The following KHSRP variants were observed in gnomAD, a reference collection of about 807,000 sequenced individuals.
The protein encoded by KHSRP is far upstream element-binding protein 2.
In KHSRP, 13 loss-of-function variants were observed where a neutral mutation model predicts 94.9. The observed-to-expected ratio is 0.14, with a 90% CI of 0.09 to 0.22. The LOEUF (loss-of-function observed/expected upper bound fraction) is 0.22, where lower values mean the gene tolerates loss of function less well. Among genes scored for constraint, KHSRP ranks in the 10% least tolerant of loss-of-function variants. The pLI is 1.00. For missense variants in KHSRP, 710 were observed against 1,010.0 expected (o/e 0.70, Z 4.03); for synonymous variants, 495 against 401.4 (o/e 1.23, Z -2.79).
intron 10 of KHSRP, 23 bp downstream of exon 10, chr19:6,417,958 G>C: frequency 6.2e-7 from 1 of 1,610,642 alleles, no homozygotes; most frequent in East Asian, 2.2e-5. Flanking sequence ...GGAGAGGGGG[G>C]TGAAGGCAGG....
rs750070610 is a variant in KHSRP at position 6,417,722 on chromosome 19, G to T, written c.1081+17C>A. On this transcript the variant is annotated intron_variant, in intron 11 of 18. Coordinates refer to ENST00000600480, the MANE Select transcript of KHSRP (RefSeq NM_001366299.1). ...TGGGGGTGCACTGGCCAGGGGCAGG[G>T]TGGGCCAGGCCCTGACCTTGCTTGA... 3 of 1,606,362 alleles carry T rather than the reference G, an allele frequency of 1.9e-6. No homozygotes were observed. The highest frequency in any genetic ancestry group is 1.7e-5 in the Admixed American group (1 of 59,926).
intron 6 of KHSRP, among the ~76,000 whole-genome samples, chr19:6,419,671 AT>A (rs1350951262): frequency 1.3e-5 from 2 of 152,308 alleles, no homozygotes; most frequent in Admixed American, 6.5e-5. Context: ...CTGAGAGCAG[AT>A]GTGCAGCCAG....
intron 1 of KHSRP, 136 bp from the exon 2 acceptor site, chr19:6,422,572 A>G: frequency 1.6e-6 from 1 of 637,712 alleles, no homozygotes; most frequent in Non-Finnish European, 2.8e-6. Flanking sequence ...CTTAGGGAAG[A>G]GTCAGTTGGT....
rs998770088 is a variant in KHSRP at position 6,418,345 on chromosome 19, G to A, written c.879+138C>T. The A allele has an allele frequency of 4.7e-5, 33 of 701,548 alleles. No homozygotes were observed. Among genetic ancestry groups the A allele is most frequent in the Non-Finnish European group, 7.2e-5 (29 of 403,418 alleles). 43.5% of individuals were successfully genotyped at this position (701,548 alleles called of 1,614,324 possible). A position where few individuals can be genotyped will look rare whatever the true frequency, so the allele number is the denominator to read the frequency against. On this transcript the variant is annotated intron_variant, in intron 9 of 18. Transcript: ENST00000600480. The surrounding 1 kb of genome is among the most constrained non-coding windows in gnomAD (Gnocchi z 4.3). ...CAGTTCAGGGCCATCCTACGAGCCA[G>A]CGCTCTTGCAAGCCTCTTGGTGTTA...
At position 6,424,767 on chromosome 19, in the gene KHSRP, C is replaced by A; in HGVS notation, c.-66G>T. 1.4e-6 allele frequency: 1 copy of A among 711,388 alleles called. No individual in the cohort carries two copies. Among genetic ancestry groups the A allele is most frequent in the Non-Finnish European group, 1.8e-6 (1 of 569,876 alleles). The allele number at this position is 711,388 out of a possible 1,614,324, so 44.1% of individuals were successfully genotyped here. ...GGAGGCGGCGGCGGCGGCGGCGGCTCAACGCGGGAACAAGGCCTCGCTCCA... is the reference window on the plus strand; with the variant it reads ...GGAGGCGGCGGCGGCGGCGGCGGCTAAACGCGGGAACAAGGCCTCGCTCCA... On this transcript the variant is annotated 5_prime_UTR_variant, in exon 1 of 19. Transcript: ENST00000600480.
Position 6,418,180 on chromosome 19 carries a change from T to G in KHSRP, c.880-101A>C, listed in dbSNP as rs1052570109. 8.0e-6 allele frequency: 8 copies of G among 1,002,952 alleles called. No individual in the cohort carries two copies. In the African/African-American group the frequency reaches 1.3e-4, roughly 16 times the overall value. The allele number at this position is 1,002,952 out of a possible 1,614,324, so 62.1% of individuals were successfully genotyped here. A position where few individuals can be genotyped will look rare whatever the true frequency, so the allele number is the denominator to read the frequency against. ...GCCTCAACTAAGGACCCACGAACCC[T>G]GGGTGAGCCCAGCACAGCACCCTAC... On this transcript the variant is annotated intron_variant, in intron 9 of 18. Coordinates refer to ENST00000600480, the MANE Select transcript of KHSRP (RefSeq NM_001366299.1). The surrounding 1 kb of genome is among the most constrained non-coding windows in gnomAD (Gnocchi z 4.3).
At chr19:6,421,601 C>G in intron 3 of KHSRP, 49 bp downstream of exon 3, 1 of 1,605,258 alleles carries the variant, frequency 6.2e-7, no homozygotes, top group Non-Finnish European at 8.5e-7. Flanking sequence ...CTCCTGAAAA[C>G]CTCAACCCTC....
At chr19:6,421,197 T>C (rs1000193563) in intron 4 of KHSRP, 81 bp downstream of exon 4, 3 of 1,337,154 alleles carry the variant, frequency 2.2e-6, no homozygotes, top group Non-Finnish European at 3.1e-6. Flanking sequence ...GTGCCCCCAG[T>C]CAGAGCCCTC....
intron 1 of KHSRP, among the ~76,000 whole-genome samples, chr19:6,423,948 G>A (rs141405586): frequency 6.6e-6 from 1 of 152,276 alleles, no homozygotes; most frequent in Non-Finnish European, 1.5e-5. Context: ...TTTCGCCCAA[G>A]TGCTCAGCCC....
At chr19:6,423,719 G>A (rs563871395) in intron 1 of KHSRP, among the ~76,000 whole-genome samples, 1 of 152,220 alleles carries the variant, frequency 6.6e-6, no homozygotes, top group Admixed American at 6.5e-5. Context: ...GCCGGTCGGC[G>A]GCAAAGTCCT....
In KHSRP at chr19:6,418,668, G is replaced by A; in HGVS notation, c.780+34C>T. 3 of 1,613,754 alleles carry A rather than the reference G, an allele frequency of 1.9e-6. No individual in the cohort carries two copies. Among genetic ancestry groups the A allele is most frequent in the Non-Finnish European group, 1.7e-6 (2 of 1,179,718 alleles). ...TGGTGGCGGTGGGGTGTGGCACACG[G>A]ATGCAGAGGAAGCTGCCCAGGTGCT... On this transcript the variant is annotated intron_variant, in intron 8 of 18. Coordinates refer to ENST00000600480, the MANE Select transcript of KHSRP (RefSeq NM_001366299.1). This position sits in a 1 kb window ranked among gnomAD's most constrained non-coding sequence, Gnocchi z 4.3.
chr19:6,421,682 G>A lies in KHSRP; in HGVS notation c.353C>T (p.Pro118Leu), dbSNP rs759174783. 6.2e-7 allele frequency: 1 copy of A among 1,613,842 alleles called. No homozygotes were observed. Among genetic ancestry groups the A allele is most frequent in the Admixed American group, 1.7e-5 (1 of 60,018 alleles). ...CTGGGAAGCCAGCTTCTTGCTCTCC[G>A]GTTGATCTGGGAAAGAGAGAGGATG... ...QKRQLEDGDQ[P>L]ESKKLASQGD... Residue 118 changes from proline (P) to leucine (L), a missense_variant, in exon 3 of 19, where the codon CCG (proline) becomes CTG (leucine). Physicochemically the swap from Pro to Leu is moderately conservative, Grantham distance 98 (BLOSUM62 -3). Coordinates refer to ENST00000600480, the MANE Select transcript of KHSRP (RefSeq NM_001366299.1).
At position 6,418,633 on chromosome 19, in the gene KHSRP, G is replaced by C; in HGVS notation, c.781-52C>G. The C allele has an allele frequency of 6.2e-7, 1 of 1,613,026 alleles. No individual in the cohort carries two copies. The highest frequency in any genetic ancestry group is 1.1e-5 in the South Asian group (1 of 91,060). On this transcript the variant is annotated intron_variant, in intron 8 of 18. Coordinates refer to ENST00000600480, the MANE Select transcript of KHSRP (RefSeq NM_001366299.1). The surrounding 1 kb of genome is among the most constrained non-coding windows in gnomAD (Gnocchi z 4.3). Reference sequence around the variant, plus strand: ...GCTGGGCTCTCCCAGGACTTCCTGGGCTGCTGTGGTGGTGGCGGTGGGGTG... The same window carrying C: ...GCTGGGCTCTCCCAGGACTTCCTGGCCTGCTGTGGTGGTGGCGGTGGGGTG...
At chr19:6,419,852 C>T (rs1483147332) in intron 6 of KHSRP, among the ~76,000 whole-genome samples, 1 of 152,246 alleles carries the variant, frequency 6.6e-6, no homozygotes, top group Non-Finnish European at 1.5e-5. Flanking sequence ...GCCCTGCCAC[C>T]TCAGTCCATA....
Position 6,424,528 on chromosome 19 carries a change from GGGGCCCCCGGCCGACCCCCCGCCC to G in KHSRP, c.150_173del (p.Gly51_Pro58del), listed in dbSNP as rs1195042645. On this transcript the variant is annotated inframe_deletion, in exon 1 of 19. Transcript: ENST00000600480. The stretch of plus-strand genomic sequence containing the variant: ...GGCCGCCTCCGCCGGGTGGCTGAGA[GGGGCCCCCGGCCGACCCCCCGCCC>G]GGGCCGCCGCCGCCGGGACCGCCGC... 1 of 982,352 alleles carries G rather than the reference GGGGCCCCCGGCCGACCCCCCGCCC, an allele frequency of 1.0e-6. No individual in the cohort carries two copies. Among genetic ancestry groups the G allele is most frequent in the African/African-American group, 1.8e-5 (1 of 56,340 alleles). The allele number at this position is 982,352 out of a possible 1,614,324, so 60.9% of individuals were successfully genotyped here. A position where few individuals can be genotyped will look rare whatever the true frequency, so the allele number is the denominator to read the frequency against.
chr19:6,421,698 A>T lies in KHSRP; in HGVS notation c.347-10T>A. On this transcript the variant is annotated splice_polypyrimidine_tract_variant and intron_variant, in intron 2 of 18. Coordinates refer to ENST00000600480, the MANE Select transcript of KHSRP (RefSeq NM_001366299.1). The stretch of plus-strand genomic sequence containing the variant: ...TTGCTCTCCGGTTGATCTGGGAAAG[A>T]GAGAGGATGGCAGATGCAGCACCCA... 6.2e-7 allele frequency: 1 copy of T among 1,613,786 alleles called. No individual in the cohort carries two copies. Among genetic ancestry groups the T allele is most frequent in the Non-Finnish European group, 8.5e-7 (1 of 1,179,844 alleles).
intron 3 of KHSRP, 159 bp downstream of exon 3, chr19:6,421,491 T>C: frequency 9.8e-7 from 1 of 1,024,938 alleles, no homozygotes; most frequent in Non-Finnish European, 1.5e-6. Context: ...TCTCCCTCAA[T>C]TTCAGGGTTC....
intron 6 of KHSRP, 69 bp downstream of exon 6, chr19:6,420,004 G>C: frequency 1.7e-6 from 2 of 1,189,472 alleles, no homozygotes; most frequent in Non-Finnish European, 2.5e-6. Flanking sequence ...TGGAAATTAA[G>C]TAATTAAAGG....
rs1420623391 is a variant in KHSRP, at chr19:6,414,649, A to G, written c.*375T>C. 9.9e-7 allele frequency: 1 copy of G among 1,008,818 alleles called. No individual in the cohort carries two copies. The highest frequency in any genetic ancestry group is 1.2e-6 in the Non-Finnish European group (1 of 846,184). The allele number at this position is 1,008,818 out of a possible 1,614,324, so 62.5% of individuals were successfully genotyped here. ...CTGCCAGAGCCAGGCCGCCTGCAAC[A>G]CAGTCACTTGGACACAGGAAAAAAG... On this transcript the variant is annotated 3_prime_UTR_variant, in exon 19 of 19. Transcript: ENST00000600480.
Sources: allele counts gnomAD v4.1 joint callset (sites outside exome capture counted in the v4.1 genomes callset), GRCh38; gene constraint gnomAD v4.1.1; non-coding constraint Gnocchi (gnomAD v3.1); transcripts MANE v1.5; gene names NCBI Gene and HGNC (gene_info 2026-07-23, HGNC 2026-07-21).